Variants in RELN observed in about 807,000 individuals in gnomAD.
RELN encodes the protein reelin.
RELN carries 108 observed loss-of-function variants against 427.6 expected under a neutral mutation model. The ratio of observed to expected loss-of-function variants is 0.25; its 90% CI spans 0.22 to 0.30. The LOEUF is 0.30. RELN is among the 10% of genes least tolerant of loss of function. The pLI is 1.00. For missense variants in RELN, 3,715 were observed against 4,302.8 expected (o/e 0.86, Z 3.82); for synonymous variants, 1,524 against 1,513.4 (o/e 1.01, Z -0.16).
intron 19 of RELN, 127 bp from the exon 20 acceptor site, chr7:103,630,303 T>C: frequency 2.9e-6 from 2 of 690,868 alleles, no homozygotes; most frequent in South Asian, 3.6e-5. Context: ...TATAAACATT[T>C]TTTTTTGAGA....
chr7:103,597,203 G>A (rs530751134), intron 24 of RELN, among the ~76,000 whole-genome samples: 2 of 152,284 alleles, frequency 1.3e-5, no homozygotes, highest in South Asian at 4.1e-4. Context: ...CTAGTACACA[G>A]CATGCCTTCC....
At chr7:103,682,307 T>C in intron 10 of RELN, 46 bp from the exon 11 acceptor site, 1 of 1,603,894 alleles carries the variant, frequency 6.2e-7, no homozygotes, top group Non-Finnish European at 8.5e-7. Flanking sequence ...ATTGGTGTTG[T>C]AGCTGTATCT....
chr7:103,519,489 C>T lies in RELN; in HGVS notation c.7696G>A (p.Asp2566Asn), dbSNP rs1829651213. The change falls in exon 49 of 65, where the codon GAT (aspartate) becomes AAT (asparagine). Residue 2566 changes from aspartate (D) to asparagine (N), a missense_variant. Physicochemically the swap from Asp to Asn is conservative, Grantham distance 23. Transcript: ENST00000428762. Reference protein sequence around the residue: ...GGCSRLLVTVDLNLTNAEFIQ... With the variant: ...GGCSRLLVTVNLNLTNAEFIQ... ...AACTCAGCATTAGTGAGGTTTAGAT[C>T]CACAGTGACTAATAATCGACTACAA... 6.2e-7 allele frequency: 1 copy of T among 1,612,522 alleles called. No individual in the cohort carries two copies. Among genetic ancestry groups the T allele is most frequent in the African/African-American group, 1.3e-5 (1 of 74,746 alleles).
chr7:103,972,234 G>A (rs1796778574), intron 1 of RELN, among the ~76,000 whole-genome samples: 1 of 152,194 alleles, frequency 6.6e-6, no homozygotes, highest in African/African-American at 2.4e-5. Flanking sequence ...GGCATGGAAA[G>A]ATGCTGAACA....
At chr7:103,718,809 G>A (rs1465145466) in intron 8 of RELN, among the ~76,000 whole-genome samples, 1 of 152,174 alleles carries the variant, frequency 6.6e-6, no homozygotes, top group Admixed American at 6.6e-5. Flanking sequence ...TCTTCATGGT[G>A]TGTTTTTAAA....
rs368883171 is a variant in RELN at position 103,596,702 on chromosome 7, G to T, written c.3334-41C>A. 2.1e-4 allele frequency: 323 copies of T among 1,566,608 alleles called. 1 individual carries two copies. Among genetic ancestry groups the T allele is most frequent in the Middle Eastern group, 3.3e-4 (2 of 6,010 alleles). ...AAAAATCAAATTCAGTAATCTGGGAGTTCTTTGGCATTTTGTTGTTTCAGT... is the reference window on the plus strand; with the variant it reads ...AAAAATCAAATTCAGTAATCTGGGATTTCTTTGGCATTTTGTTGTTTCAGT... On this transcript the variant is annotated intron_variant, in intron 24 of 64. Transcript: ENST00000428762.
chr7:103,511,437 A>G (rs1012198843), intron 50 of RELN, among the ~76,000 whole-genome samples: 1 of 152,060 alleles, frequency 6.6e-6, no homozygotes, highest in Non-Finnish European at 1.5e-5. Context: ...TGGTCATTTT[A>G]TTTTATTTTT....
At chr7:103,609,760 G>A (rs995359446) in intron 22 of RELN, among the ~76,000 whole-genome samples, 6 of 152,074 alleles carry the variant, frequency 3.9e-5, no homozygotes, top group Non-Finnish European at 7.4e-5. Context: ...AAAATAATCT[G>A]AGAAGGTTTA....
At chr7:103,493,833 A>C (rs1175158053) in intron 57 of RELN, among the ~76,000 whole-genome samples, 1 of 152,244 alleles carries the variant, frequency 6.6e-6, no homozygotes, top group East Asian at 1.9e-4. Context: ...AAAACTGTTG[A>C]TATTGGGTAC....
chr7:103,566,031 C>T (rs150645640), intron 33 of RELN, among the ~76,000 whole-genome samples, 193 bp downstream of exon 33: 105 of 152,194 alleles, frequency 6.9e-4, no homozygotes, highest in Non-Finnish European at 1.0e-3. Context: ...CTGTGAAAGA[C>T]AGTTCCAACA....
chr7:103,825,935 T>C (rs549317215), intron 3 of RELN, among the ~76,000 whole-genome samples: 1 of 151,914 alleles, frequency 6.6e-6, no homozygotes, highest in South Asian at 2.1e-4. Context: ...GTTCGTGTGT[T>C]GGAAACATGA....
chr7:103,870,082 G>GT (rs750533953), intron 2 of RELN, among the ~76,000 whole-genome samples: 3 of 151,852 alleles, frequency 2.0e-5, no homozygotes, highest in Non-Finnish European at 4.4e-5. Flanking sequence ...TTTCGGTTTG[G>GT]TTTTTTTATT....
At chr7:103,630,863 T>TG (rs1401903429) in intron 19 of RELN, among the ~76,000 whole-genome samples, 39 of 149,386 alleles carry the variant, frequency 2.6e-4, no homozygotes, top group Middle Eastern at 3.4e-3. Context: ...TTTTTTTGTT[T>TG]TTTTTTTTTT....
chr7:103,905,269 C>T (rs963084611), intron 2 of RELN, among the ~76,000 whole-genome samples: 5 of 152,092 alleles, frequency 3.3e-5, no homozygotes, highest in Admixed American at 6.6e-5. Context: ...TGAGCCACTG[C>T]TTCCTGCCCT....
chr7:103,785,730 T>C (rs1054988537), intron 3 of RELN, among the ~76,000 whole-genome samples: 19 of 152,140 alleles, frequency 1.2e-4, no homozygotes, highest in Admixed American at 3.3e-4. Context: ...AATGTTGTGC[T>C]ATTTATTTTC....
intron 1 of RELN, among the ~76,000 whole-genome samples, chr7:103,927,783 G>A (rs1019684197): frequency 1.3e-5 from 2 of 152,088 alleles, no homozygotes; most frequent in African/African-American, 4.8e-5. Flanking sequence ...TTTTTCCAAG[G>A]ATAAGGATGA....
chr7:103,579,789 T>C (rs1268718022), intron 28 of RELN, among the ~76,000 whole-genome samples: 1 of 152,206 alleles, frequency 6.6e-6, no homozygotes, highest in African/African-American at 2.4e-5. Context: ...CACTGTACCC[T>C]TCCATCACCA....
chr7:103,478,470 G>A, intron 63 of RELN, 76 bp from the exon 64 acceptor site: 1 of 717,270 alleles, frequency 1.4e-6, no homozygotes, highest in Non-Finnish European at 2.6e-6. Flanking sequence ...ATGCAGCACT[G>A]TGATTAGTCA....
chr7:103,615,932 G>C (rs371230634), intron 20 of RELN, among the ~76,000 whole-genome samples: 23 of 152,182 alleles, frequency 1.5e-4, no homozygotes, highest in African/African-American at 2.9e-4. Context: ...CAGAAAAAAG[G>C]CTCTTTTATA....
Sources: allele counts gnomAD v4.1 joint callset (sites outside exome capture counted in the v4.1 genomes callset), GRCh38; gene constraint gnomAD v4.1.1; transcripts MANE v1.5; gene names NCBI Gene and HGNC (gene_info 2026-07-23, HGNC 2026-07-21).